The following UNC79 variants were observed in gnomAD, a reference collection of about 807,000 sequenced individuals.
UNC79 encodes unc-79 subunit of NALCN channel complex, also known as protein unc-79 homolog.
In UNC79, 37 loss-of-function variants were observed where a neutral mutation model predicts 283.1. The ratio of observed to expected loss-of-function variants is 0.13; its 90% confidence interval spans 0.10 to 0.17. UNC79 has a LOEUF of 0.17. Among genes scored for constraint, UNC79 ranks in the 10% least tolerant of loss-of-function variants. UNC79 has a pLI of 1.00. For missense variants in UNC79, 2,272 were observed against 3,211.1 expected (o/e 0.71, Z 7.07); for synonymous variants, 1,107 against 1,200.2 (o/e 0.92, Z 1.61).
At chr14:93,660,596 T>C in intron 39 of UNC79, among the ~76,000 whole-genome samples, 1 of 143,686 alleles carries the variant, frequency 7.0e-6, no homozygotes, top group Non-Finnish European at 1.5e-5. Context: ...TTATTTTATT[T>C]TATTTTATTT....
intron 41 of UNC79, 132 bp downstream of exon 44, chr14:93,673,587 G>GACCATGAT (rs1328953412): frequency 3.1e-6 from 2 of 646,516 alleles, no homozygotes; most frequent in African/African-American, 3.7e-5. Context: ...ATCTTATATG[G>GACCATGAT]ACCATGATCT....
chr14:93,415,230 G>T (rs10047821), intron 1 of UNC79, among the ~76,000 whole-genome samples: 8 of 151,924 alleles, frequency 5.3e-5, no homozygotes, highest in Non-Finnish European at 8.8e-5. Context: ...TAGCATGAAG[G>T]GTTGTTGAAT....
Position 93,622,850 on chromosome 14 carries a change from G to A in UNC79, c.5608+9G>A, listed in dbSNP as rs749657359. The A allele has an allele frequency of 2.0e-5, 32 of 1,607,598 alleles. No homozygotes were observed. Among genetic ancestry groups the A allele is most frequent in the East Asian group, 1.6e-4 (7 of 44,828 alleles). The stretch of plus-strand genomic sequence containing the variant: ...AGAACAGAAAGATCCAGGTAAGCTC[G>A]CCTCTCTTCTTTCTCTCAGCCTTAA... On this transcript the variant is annotated intron_variant, in intron 30 of 48. Coordinates refer to ENST00000555664, the Ensembl canonical transcript of UNC79.
rs71129655 is a variant in UNC79 at position 93,698,476 on chromosome 14, G to GTTTTTTTTT, written c.7548+4083_7548+4091dup. Among the ~76,000 whole-genome samples the GTTTTTTTTT allele has an allele frequency of 5.8e-4, 46 of 79,110 alleles. 7 individuals are homozygous for GTTTTTTTTT. The highest frequency in any genetic ancestry group is 1.2e-3 in the South Asian group (2 of 1,664). 51.9% of individuals were successfully genotyped at this position (79,110 alleles called of 152,430 possible). A position where few individuals can be genotyped will look rare whatever the true frequency, so the allele number is the denominator to read the frequency against. On this transcript the variant is annotated intron_variant, in intron 47 of 48. Transcript: ENST00000555664. ...TGGTAATATTTTTAGTTTAGTTTAGGTTTTTTTTTTTTTTTTTTTTTTTTT... is the reference window on the plus strand; with the variant it reads ...TGGTAATATTTTTAGTTTAGTTTAGGTTTTTTTTTTTTTTTTTTTTTTTTTTTTTTTTTT...
intron 1 of UNC79, among the ~76,000 whole-genome samples, chr14:93,372,694 C>T (rs2054477796): frequency 6.6e-6 from 1 of 152,254 alleles, no homozygotes; most frequent in East Asian, 1.9e-4. Flanking sequence ...ATTTCAAGGT[C>T]AAATGGATGA....
intron 1 of UNC79, among the ~76,000 whole-genome samples, chr14:93,441,785 T>G (rs1023578113): frequency 1.3e-5 from 2 of 152,168 alleles, no homozygotes; most frequent in Admixed American, 6.5e-5. Flanking sequence ...CTGCTATATT[T>G]TCTTTCTTAT....
intron 1 of UNC79, among the ~76,000 whole-genome samples, chr14:93,401,569 T>G (rs893972429): frequency 6.6e-6 from 1 of 152,188 alleles, no homozygotes; most frequent in Non-Finnish European, 1.5e-5. Context: ...TAGAGCCACA[T>G]TTACTGCTTG....
At chr14:93,383,088 G>A (rs1031507229) in intron 1 of UNC79, among the ~76,000 whole-genome samples, 2 of 152,170 alleles carry the variant, frequency 1.3e-5, no homozygotes, top group African/African-American at 2.4e-5. Flanking sequence ...TTTATGGAGG[G>A]TGTGTCATTT....
intron 7 of UNC79, among the ~76,000 whole-genome samples, chr14:93,498,339 A>G (rs1260723112): frequency 6.6e-6 from 1 of 152,080 alleles, no homozygotes; most frequent in Non-Finnish European, 1.5e-5. Flanking sequence ...CTGTAATCCC[A>G]GCAGTTCGGG....
chr14:93,705,599 A>G (rs1302029248), intron 48 of UNC79, among the ~76,000 whole-genome samples: 1 of 152,254 alleles, frequency 6.6e-6, no homozygotes, highest in African/African-American at 2.4e-5. Context: ...CTAAAAGAGG[A>G]GATCCCGCCT....
intron 18 of UNC79, 86 bp from the exon 19 acceptor site, chr14:93,580,063 G>A: frequency 8.3e-7 from 1 of 1,198,046 alleles, no homozygotes; most frequent in Non-Finnish European, 1.2e-6. Context: ...GTGTGCCAAT[G>A]GAATATTGGA....
rs983094514 is a variant in UNC79 at position 93,396,373 on chromosome 14, A to T, written c.-351+62850A>T. Among the ~76,000 whole-genome samples, 120 of 152,244 alleles carry T rather than the reference A, an allele frequency of 7.9e-4. 1 individual carries two copies. The highest frequency in any genetic ancestry group is 2.8e-3 in the African/African-American group (118 of 41,558). The stretch of plus-strand genomic sequence containing the variant: ...GATTTAGTTCTTTGAATATATTTAA[A>T]ATAGATTATTGAAGTCTTTGTATAG... On this transcript the variant is annotated intron_variant, in intron 1 of 49. Transcript: ENST00000256339.
In UNC79 at chr14:93,408,695, A is replaced by G. The variant is rs571879684; in HGVS notation, c.-350-58976A>G. On this transcript the variant is annotated intron_variant, in intron 1 of 49. Transcript: ENST00000256339. ...CAACAGAGTGAGATCTTGTCTTAAAAAAAACCCACAAAGTGTAAAAATAAA... is the reference window on the plus strand; with the variant it reads ...CAACAGAGTGAGATCTTGTCTTAAAGAAAACCCACAAAGTGTAAAAATAAA... Among the ~76,000 whole-genome samples, 693 of 152,334 alleles carry G rather than the reference A, an allele frequency of 4.5e-3. 7 individuals are homozygous for G. Among genetic ancestry groups the G allele is most frequent in the African/African-American group, 0.016 (662 of 41,570 alleles).
intron 2 of UNC79, among the ~76,000 whole-genome samples, 197 bp downstream of exon 2, chr14:93,467,988 C>T (rs2140271043): frequency 6.6e-6 from 1 of 151,966 alleles, no homozygotes; most frequent in East Asian, 1.9e-4. Flanking sequence ...AGATTGGTTG[C>T]CTGGCTACTG....
chr14:93,561,624 G>C (rs2062559305), intron 14 of UNC79, among the ~76,000 whole-genome samples: 1 of 152,170 alleles, frequency 6.6e-6, no homozygotes, highest in Non-Finnish European at 1.5e-5. Context: ...AGATAGCTGG[G>C]GAGAGGTAGA....
At chr14:93,463,430 T>A (rs867219456) in intron 1 of UNC79, among the ~76,000 whole-genome samples, 1 of 152,126 alleles carries the variant, frequency 6.6e-6, no homozygotes, top group Non-Finnish European at 1.5e-5. Context: ...GGACTGTCGC[T>A]GGAGGGGAAT....
intron 1 of UNC79, among the ~76,000 whole-genome samples, chr14:93,419,714 C>T (rs1460788862): frequency 6.6e-6 from 1 of 151,344 alleles, no homozygotes; most frequent in Non-Finnish European, 1.5e-5. Flanking sequence ...CTCATGGTAA[C>T]CCTTAAATAA....
At chr14:93,446,091 T>C (rs1227781229) in intron 1 of UNC79, among the ~76,000 whole-genome samples, 1 of 152,180 alleles carries the variant, frequency 6.6e-6, no homozygotes, top group East Asian at 1.9e-4. Flanking sequence ...TTTTCTCTAT[T>C]GTTTCTCTGT....
Position 93,690,198 on chromosome 14 carries a change from G to A in UNC79, c.7167G>A (p.Val2389=). 2 of 1,614,134 alleles carry A rather than the reference G, an allele frequency of 1.2e-6. No homozygotes were observed. The highest frequency in any genetic ancestry group is 2.2e-5 in the East Asian group (1 of 44,882). Residue 2389 remains valine (V), a synonymous_variant, in exon 45 of 49, where the codon GTG becomes GTA. Coordinates refer to ENST00000555664, the Ensembl canonical transcript of UNC79. This position sits in a 1 kb window ranked among gnomAD's most constrained non-coding sequence, Gnocchi z 4.3. ...TGGGTTCCCTCACTCACAATGCAGT[G>A]TGCCCAAATGCCTCCTCTCCCTGCC...
Sources: allele counts gnomAD v4.1 joint callset (sites outside exome capture counted in the v4.1 genomes callset), GRCh38; gene constraint gnomAD v4.1.1; non-coding constraint Gnocchi (gnomAD v3.1); transcripts MANE v1.5; gene names NCBI Gene and HGNC (gene_info 2026-07-23, HGNC 2026-07-21).